Variants in HS3ST4 observed in about 807,000 individuals in gnomAD.
HS3ST4 encodes the protein heparan sulfate glucosamine 3-O-sulfotransferase 4.
A neutral mutation model predicts 29.2 loss-of-function variants in HS3ST4; 17 were observed. The observed-to-expected ratio is 0.58, with a 90% CI of 0.40 to 0.87. The LOEUF (loss-of-function observed/expected upper bound fraction) is 0.87, where lower values mean the gene tolerates loss of function less well. HS3ST4 is among the 40% of genes least tolerant of loss of function. The probability of loss-of-function intolerance (pLI) is 0.00; values close to 1 mark genes in which losing one functional copy is unlikely to be tolerated. For missense variants in HS3ST4, 627 were observed against 634.5 expected (o/e 0.99, Z 0.13); for synonymous variants, 314 against 285.7 (o/e 1.10, Z -1.00).
rs563703713 is a variant in HS3ST4, at chr16:26,111,846, A to G, written c.735-23766A>G. Among the ~76,000 whole-genome samples, 212 of 152,160 alleles carry G rather than the reference A, an allele frequency of 1.4e-3. 1 individual carries two copies. Among genetic ancestry groups the G allele is most frequent in the Admixed American group, 3.2e-3 (49 of 15,282 alleles). ...AACTTGGCCAACATGGTGAAACCCC[A>G]TCTCTATTAAAAATACAGAAATTAG... is the stretch of plus-strand genomic sequence containing the variant. On this transcript the variant is annotated intron_variant, in intron 1 of 1. Coordinates refer to ENST00000331351, the MANE Select transcript of HS3ST4 (RefSeq NM_006040.3).
chr16:26,004,793 A>G (rs2141735814), intron 1 of HS3ST4, among the ~76,000 whole-genome samples: 1 of 152,348 alleles, frequency 6.6e-6, no homozygotes, highest in Middle Eastern at 3.4e-3. Context: ...TACCTCATGA[A>G]GAATAAAATT....
At chr16:26,057,353 T>C (rs1898421940) in intron 1 of HS3ST4, among the ~76,000 whole-genome samples, 1 of 152,202 alleles carries the variant, frequency 6.6e-6, no homozygotes, top group Non-Finnish European at 1.5e-5. Context: ...CTTGCTTCTC[T>C]TGCCCAGGGT....
intron 1 of HS3ST4, among the ~76,000 whole-genome samples, chr16:25,989,294 T>C (rs1192420727): frequency 6.6e-6 from 1 of 152,230 alleles, no homozygotes; most frequent in Admixed American, 6.5e-5. Context: ...CTAAGCTTAA[T>C]GTAACAAAAG....
chr16:25,925,893 A>AC (rs1968397634), intron 1 of HS3ST4, among the ~76,000 whole-genome samples: 1 of 151,798 alleles, frequency 6.6e-6, no homozygotes, highest in South Asian at 2.1e-4. Context: ...CTCTCCTTCT[A>AC]CCTGCAATGT....
chr16:25,744,781 G>A (rs1290343563), intron 1 of HS3ST4, among the ~76,000 whole-genome samples: 1 of 152,136 alleles, frequency 6.6e-6, no homozygotes, highest in Non-Finnish European at 1.5e-5. Context: ...GAGATCTGAT[G>A]GTTTTGAAAA....
At chr16:25,857,796 A>G (rs1446648712) in intron 1 of HS3ST4, among the ~76,000 whole-genome samples, 1 of 152,152 alleles carries the variant, frequency 6.6e-6, no homozygotes, top group Non-Finnish European at 1.5e-5. Flanking sequence ...AATTCTACAT[A>G]GAAGTACTCA....
intron 1 of HS3ST4, among the ~76,000 whole-genome samples, chr16:25,879,428 C>G (rs1331747960): frequency 1.3e-5 from 2 of 152,024 alleles, no homozygotes; most frequent in Non-Finnish European, 2.9e-5. Context: ...GGTCACACAT[C>G]ATGGCAGAAG....
intron 1 of HS3ST4, among the ~76,000 whole-genome samples, chr16:26,036,211 TAAC>T (rs1435296572): frequency 6.6e-6 from 1 of 152,242 alleles, no homozygotes; most frequent in Non-Finnish European, 1.5e-5. Context: ...CCCATTAAGA[TAAC>T]ACTGGCTGGT....
At chr16:25,881,827 G>T (rs914120876) in intron 1 of HS3ST4, among the ~76,000 whole-genome samples, 1 of 152,132 alleles carries the variant, frequency 6.6e-6, no homozygotes, top group Admixed American at 6.5e-5. Flanking sequence ...ACCCACAGGG[G>T]TTTCTCACAC....
At chr16:25,838,194 C>T (rs1461228255) in intron 1 of HS3ST4, among the ~76,000 whole-genome samples, 2 of 152,162 alleles carry the variant, frequency 1.3e-5, no homozygotes, top group Admixed American at 6.5e-5. Context: ...CTTATTCAGT[C>T]GATATTAACG....
At chr16:25,875,470 C>T (rs552192858) in intron 1 of HS3ST4, among the ~76,000 whole-genome samples, 1 of 152,198 alleles carries the variant, frequency 6.6e-6, no homozygotes, top group African/African-American at 2.4e-5. Flanking sequence ...GACAGATGCA[C>T]CTACATTCCC....
chr16:25,762,869 C>A, intron 1 of HS3ST4, among the ~76,000 whole-genome samples: 1 of 90,316 alleles, frequency 1.1e-5, no homozygotes, highest in Admixed American at 1.6e-4. Flanking sequence ...AGAGCAAGAC[C>A]CTGTCTCAAA....
At chr16:25,941,678 G>A (rs1262825461) in intron 1 of HS3ST4, among the ~76,000 whole-genome samples, 2 of 152,064 alleles carry the variant, frequency 1.3e-5, no homozygotes, top group African/African-American at 4.8e-5. Context: ...CGGGGTTTAC[G>A]CCATTCTCCT....
At chr16:25,803,730 A>T (rs1323272292) in intron 1 of HS3ST4, among the ~76,000 whole-genome samples, 1 of 152,156 alleles carries the variant, frequency 6.6e-6, no homozygotes, top group South Asian at 2.1e-4. Flanking sequence ...ACTGTTTTTC[A>T]TCAAAAGGAC....
chr16:26,119,779 G>A (rs891473199), intron 1 of HS3ST4, among the ~76,000 whole-genome samples: 7 of 152,108 alleles, frequency 4.6e-5, no homozygotes, highest in Non-Finnish European at 1.5e-5. Context: ...GTGGCATGCT[G>A]GGAGCACACA....
chr16:25,939,578 A>T (rs1281426989), intron 1 of HS3ST4, among the ~76,000 whole-genome samples: 3 of 151,994 alleles, frequency 2.0e-5, no homozygotes, highest in Non-Finnish European at 4.4e-5. Context: ...ACCTCAGATG[A>T]TCCGCCCACC....
At chr16:26,020,828 C>T (rs1969405982) in intron 1 of HS3ST4, among the ~76,000 whole-genome samples, 1 of 152,158 alleles carries the variant, frequency 6.6e-6, no homozygotes, top group South Asian at 2.1e-4. Flanking sequence ...GGGCTGAGAA[C>T]ACAAACTCCA....
intron 1 of HS3ST4, among the ~76,000 whole-genome samples, chr16:25,962,073 A>G (rs1968800576): frequency 6.6e-6 from 1 of 152,218 alleles, no homozygotes; most frequent in Admixed American, 6.5e-5. Flanking sequence ...GGTTATAAAA[A>G]GAAGGAAATT....
In HS3ST4 at chr16:25,873,618, A is replaced by G. The variant is rs1168955990; in HGVS notation, c.734+180467A>G. On this transcript the variant is annotated intron_variant, in intron 1 of 1. Transcript: ENST00000331351. ...CATCCATCCATCCATCCACCCATCA[A>G]TCTACCCACCCATCCATTCATCCAT... is the stretch of plus-strand genomic sequence containing the variant. 4.0e-5 allele frequency among the ~76,000 whole-genome samples: 6 copies of G among 149,000 alleles called. 1 individual carries two copies. The East Asian group carries it at 1.2e-3, about 30-fold the overall frequency.
Sources: gnomAD v4.1 joint callset for allele counts (sites outside exome capture counted in the v4.1 genomes callset) on GRCh38, gnomAD v4.1.1 for gene constraint, MANE v1.5 for transcripts, NCBI Gene and HGNC (gene_info 2026-07-23, HGNC 2026-07-21) for gene names.